EMC3: variants seen among roughly 807,000 people sequenced by gnomAD.
EMC3 encodes 30 kDa protein.
In EMC3, 13 loss-of-function variants were observed where a neutral mutation model predicts 36.6. The observed-to-expected ratio is 0.35, with a 90% CI of 0.23 to 0.56. EMC3 has a LOEUF of 0.56. Ranked by LOEUF, EMC3 falls within the 20% of genes least tolerant of loss-of-function variation. EMC3 has a pLI of 0.84. For synonymous variants in EMC3, 120 were observed against 111.9 expected (o/e 1.07, Z -0.46); for missense variants, 220 against 324.5 (o/e 0.68, Z 2.47).
chr3:9,986,686 C>G lies in EMC3; in HGVS notation c.-25G>C, dbSNP rs10258. Reference sequence around the variant, plus strand: ...TCTTCACTGAAAGCTGGTTCCCAGTCTGGAATGGGCGAGCTTCTCTTCTCC... The same window carrying G: ...TCTTCACTGAAAGCTGGTTCCCAGTGTGGAATGGGCGAGCTTCTCTTCTCC... On this transcript the variant is annotated 5_prime_UTR_variant, in exon 1 of 8. Transcript: ENST00000245046. The G allele has an allele frequency of 1.9e-6, 3 of 1,612,458 alleles. No homozygotes were observed. The highest frequency in any genetic ancestry group is 1.7e-5 in the Admixed American group (1 of 59,876).
intron 1 of EMC3, among the ~76,000 whole-genome samples, chr3:9,978,692 T>C (rs2085876590): frequency 6.6e-6 from 1 of 151,966 alleles, no homozygotes; most frequent in Admixed American, 6.6e-5. Context: ...TAGCCGGGTG[T>C]GGTGGCCTGT....
chr3:9,993,432 G>A (rs1202700953), intron 1 of EMC3, among the ~76,000 whole-genome samples: 1 of 152,194 alleles, frequency 6.6e-6, no homozygotes, highest in East Asian at 1.9e-4. Flanking sequence ...AAAACTGGAT[G>A]GGCCAGTAGT....
At chr3:9,987,434 G>A, upstream of EMC3, 1 of 352,708 alleles carries the variant, frequency 2.8e-6, no homozygotes, top group Non-Finnish European at 4.0e-6. Context: ...TTTCTGCGTC[G>A]TTAAAATGAG....
chr3:9,987,682 A>G (rs2085994416), upstream of EMC3: 1 of 336,834 alleles, frequency 3.0e-6, no homozygotes. Context: ...GCTATAAGTT[A>G]CATTTACTCT....
At chr3:9,975,053 G>T (rs1281105991) in intron 3 of EMC3, among the ~76,000 whole-genome samples, 1 of 151,522 alleles carries the variant, frequency 6.6e-6, no homozygotes, top group Non-Finnish European at 1.5e-5. Context: ...TAGAGACGGG[G>T]TTTCACCATG....
Position 9,986,721 on chromosome 3 carries a change from T to A in EMC3, c.-60A>T. ...CGAGCTTCTCTTCTCCGGGGCACAG[T>A]TGCTTCTCTTCGGCTTCGCCTCCGG... On this transcript the variant is annotated 5_prime_UTR_variant, in exon 1 of 8. Coordinates refer to ENST00000245046, the MANE Select transcript of EMC3 (RefSeq NM_001394674.1). The A allele has an allele frequency of 6.3e-7, 1 of 1,598,686 alleles. No individual in the cohort carries two copies. Among genetic ancestry groups the A allele is most frequent in the Non-Finnish European group, 8.5e-7 (1 of 1,171,656 alleles).
chr3:9,974,794 G>T (rs1024253424), intron 3 of EMC3, among the ~76,000 whole-genome samples: 1 of 150,678 alleles, frequency 6.6e-6, no homozygotes, highest in Non-Finnish European at 1.5e-5. Context: ...TCCTGAACTC[G>T]TGATCCGCCT....
chr3:9,992,142 A>G (rs1176599056), intron 1 of EMC3, among the ~76,000 whole-genome samples: 1 of 151,644 alleles, frequency 6.6e-6, no homozygotes, highest in Non-Finnish European at 1.5e-5. Flanking sequence ...TCTTTTTTAG[A>G]CAGAGTCTCG....
At chr3:9,992,747 C>A (rs1415686008) in intron 1 of EMC3, 1 of 653,488 alleles carries the variant, frequency 1.5e-6, no homozygotes, top group Non-Finnish European at 2.7e-6. Context: ...AGTGTAGATA[C>A]TACCAGGGGA....
At chr3:9,988,289 T>C, upstream of EMC3, 1 of 692,946 alleles carries the variant, frequency 1.4e-6, no homozygotes, top group Middle Eastern at 2.7e-4. Context: ...CCAGGGTACA[T>C]GGCTACTAAG....
At chr3:9,985,030 T>C (rs1017983777) in intron 1 of EMC3, among the ~76,000 whole-genome samples, 10 of 152,242 alleles carry the variant, frequency 6.6e-5, no homozygotes, top group Admixed American at 6.5e-4. Flanking sequence ...TTATTCTTCT[T>C]GGCATAATTG....
chr3:10,002,276 T>TA (rs1262360002), intron 1 of EMC3, among the ~76,000 whole-genome samples: 28,821 of 149,774 alleles, frequency 0.19, 3,538 homozygotes, highest in African/African-American at 0.31. Flanking sequence ...AGCAGTTTCT[T>TA]TTTTTATTTT....
chr3:9,996,345 G>A lies in EMC3; in HGVS notation c.-241-9443C>T, dbSNP rs145488307. On this transcript the variant is annotated intron_variant, in intron 1 of 8. Coordinates refer to the EMC3 transcript ENST00000470827. ...CTGTAATCCTAGCTACTCAGGAGGCGGAGGTGGGAGGATCCATTGAACCCA... is the reference window on the plus strand; with the variant it reads ...CTGTAATCCTAGCTACTCAGGAGGCAGAGGTGGGAGGATCCATTGAACCCA... 2.9e-3 allele frequency among the ~76,000 whole-genome samples: 434 copies of A among 152,152 alleles called. 3 individuals carry two copies. Among genetic ancestry groups the A allele is most frequent in the African/African-American group, 9.9e-3 (413 of 41,516 alleles).
intron 7 of EMC3, among the ~76,000 whole-genome samples, chr3:9,964,501 G>A (rs557665639): frequency 2.4e-4 from 36 of 152,306 alleles, no homozygotes; most frequent in African/African-American, 6.7e-4. Context: ...AGTCCCCAGC[G>A]CTTAACCCGT....
intron 5 of EMC3, among the ~76,000 whole-genome samples, chr3:9,972,321 C>A (rs1157246824): frequency 6.6e-6 from 1 of 151,994 alleles, no homozygotes; most frequent in East Asian, 1.9e-4. Flanking sequence ...AAACTTGTAA[C>A]TTTCTGGGGG....
At chr3:9,994,000 A>G (rs1434616535) in intron 1 of EMC3, among the ~76,000 whole-genome samples, 1 of 152,410 alleles carries the variant, frequency 6.6e-6, no homozygotes, top group South Asian at 2.1e-4. Context: ...GTGGACTCCC[A>G]TTGATCCTGA....
At chr3:9,988,015 G>T, upstream of EMC3, 1 of 838,866 alleles carries the variant, frequency 1.2e-6, no homozygotes. Context: ...AAGGTAAAGA[G>T]CTCATGGATA....
At chr3:10,010,762 G>T (rs1185357150) in intron 1 of EMC3, 3 of 152,458 alleles carry the variant, frequency 2.0e-5, no homozygotes, top group Non-Finnish European at 4.4e-5. Flanking sequence ...GAGAGGACCC[G>T]AGTTAGTGCC....
At chr3:9,999,747 G>T (rs760380192) in intron 1 of EMC3, among the ~76,000 whole-genome samples, 1 of 152,200 alleles carries the variant, frequency 6.6e-6, no homozygotes, top group East Asian at 1.9e-4. Context: ...GAGTTAGAGT[G>T]TAAAGAATTC....
Sources: gnomAD v4.1 joint callset for allele counts (sites outside exome capture counted in the v4.1 genomes callset) on GRCh38, gnomAD v4.1.1 for gene constraint, MANE v1.5 for transcripts, NCBI Gene and HGNC (gene_info 2026-07-23, HGNC 2026-07-21) for gene names.